Variants in ZNF85 observed in about 807,000 individuals in gnomAD.
ZNF85 encodes zinc finger protein 85 (HPF4, HTF1).
ZNF85 carries 50 observed loss-of-function variants against 53.9 expected under a neutral mutation model. The observed-to-expected ratio is 0.93, with a 90% CI of 0.74 to 1.17. ZNF85 has a LOEUF of 1.17. Ranked by LOEUF, ZNF85 falls within the 50% of genes most tolerant of loss-of-function variation. The pLI is 0.00. For missense variants in ZNF85, 747 were observed against 688.5 expected (o/e 1.08, Z -0.95); for synonymous variants, 225 against 226.1 (o/e 1.00, Z 0.04).
chr19:20,933,360 C>T (rs1401128929), intron 1 of ZNF85, among the ~76,000 whole-genome samples: 1 of 150,126 alleles, frequency 6.7e-6, no homozygotes, highest in Non-Finnish European at 1.5e-5. Context: ...CAGCAGCTGC[C>T]CTTTTTTCTT....
intron 2 of ZNF85, among the ~76,000 whole-genome samples, chr19:20,934,585 C>T (rs771073123): frequency 3.5e-4 from 53 of 151,934 alleles, no homozygotes; most frequent in Admixed American, 6.6e-4. Context: ...CTGGCTAACA[C>T]GGTGAAACCC....
rs767288733 is a variant in ZNF85, at chr19:20,949,677, A to G, written c.1163A>G (p.His388Arg). The G allele has an allele frequency of 6.8e-6, 11 of 1,613,314 alleles. No individual in the cohort carries two copies. The highest frequency in any genetic ancestry group is 3.3e-4 in the Middle Eastern group (2 of 6,052). Residue 388 changes from histidine to arginine, a missense_variant, in exon 4 of 4, where the codon CAT becomes CGT. Transcript: ENST00000328178. ...AFNHFSHLTT[H>R]KIIHTGEKPY... ...AATCATTTCTCACACCTTACTACAC[A>G]TAAGATAATTCATACTGGAGAGAAA... is the stretch of plus-strand genomic sequence containing the variant.
chr19:20,923,634 C>T (rs1217634342), intron 1 of ZNF85, among the ~76,000 whole-genome samples: 1 of 152,170 alleles, frequency 6.6e-6, no homozygotes, highest in Non-Finnish European at 1.5e-5. Flanking sequence ...GGACTGGAGC[C>T]CTCTCTGGGC....
At position 20,934,117 on chromosome 19, in the gene ZNF85, A is replaced by T. The variant is rs546922883; in HGVS notation, c.97A>T (p.Met33Leu). ...TAQRNLYRNV[M>L]LENYRNLVFL... ...ACAGCGGAATTTATATAGAAATGTG[A>T]TGTTAGAGAACTACAGAAACCTGGT... Residue 33 changes from methionine to leucine, a missense_variant, in exon 2 of 4, where the codon ATG becomes TTG. By Grantham distance (15) the Met-to-Leu change is conservative. Transcript: ENST00000328178. The T allele has an allele frequency of 1.7e-5, 27 of 1,612,402 alleles. No individual in the cohort carries two copies. Among genetic ancestry groups the T allele is most frequent in the African/African-American group, 2.7e-5 (2 of 74,990 alleles).
intron 3 of ZNF85, among the ~76,000 whole-genome samples, chr19:20,944,488 AT>A (rs533705680): frequency 5.8e-4 from 86 of 147,662 alleles, no homozygotes; most frequent in African/African-American, 2.0e-3. Flanking sequence ...ATTATTATAT[AT>A]TTTTATATAC....
chr19:20,926,536 T>A (rs531178426), intron 1 of ZNF85, among the ~76,000 whole-genome samples: 44 of 152,152 alleles, frequency 2.9e-4, no homozygotes, highest in Middle Eastern at 3.4e-3. Flanking sequence ...GACATGGAAA[T>A]TAAAGCTTGA....
At chr19:20,930,571 T>C (rs1972992743) in intron 1 of ZNF85, among the ~76,000 whole-genome samples, 1 of 151,348 alleles carries the variant, frequency 6.6e-6, no homozygotes, top group Admixed American at 6.6e-5. Context: ...GTTATGATGA[T>C]GAAATCACGT....
intron 1 of ZNF85, among the ~76,000 whole-genome samples, chr19:20,932,099 G>C (rs1279674330): frequency 6.6e-6 from 1 of 152,152 alleles, no homozygotes; most frequent in African/African-American, 2.4e-5. Flanking sequence ...TGTGGGTCTG[G>C]TGGTAGCAGA....
rs1972799454 is a variant in ZNF85 at position 20,923,322 on chromosome 19, C to G, written c.-79C>G. The G allele has an allele frequency of 3.1e-6, 5 of 1,608,884 alleles. No homozygotes were observed. Among genetic ancestry groups the G allele is most frequent in the Non-Finnish European group, 4.3e-6 (5 of 1,176,062 alleles). On this transcript the variant is annotated 5_prime_UTR_variant, in exon 1 of 4. Transcript: ENST00000328178. Reference sequence around the variant, plus strand: ...GCTTTGTGTTTTCTGCTCGTGGACGCCCAGCCTCTGTGGCCCTGTGGCCTG... The same window carrying G: ...GCTTTGTGTTTTCTGCTCGTGGACGGCCAGCCTCTGTGGCCCTGTGGCCTG...
chr19:20,940,090 A>G (rs1973259091), intron 3 of ZNF85, among the ~76,000 whole-genome samples: 2 of 146,866 alleles, frequency 1.4e-5, no homozygotes, highest in African/African-American at 5.0e-5. Context: ...ATGAATATCT[A>G]TTTCCTTTAT....
chr19:20,945,874 C>T (rs1391143844), intron 3 of ZNF85, among the ~76,000 whole-genome samples: 1 of 152,142 alleles, frequency 6.6e-6, no homozygotes, highest in Non-Finnish European at 1.5e-5. Flanking sequence ...CTTTCAGTAA[C>T]AATGCTGCAA....
In ZNF85 at chr19:20,938,856, G is replaced by A. The variant is rs867834319; in HGVS notation, c.229+3809G>A. ...TCTAACCATATTCTGCTATATGTGT[G>A]TGTGTGTGTGTGTGTGTGTGTATAT... On this transcript the variant is annotated intron_variant, in intron 3 of 3. Coordinates refer to ENST00000328178, the MANE Select transcript of ZNF85 (RefSeq NM_003429.5). Among the ~76,000 whole-genome samples, 1,087 of 118,224 alleles carry A rather than the reference G, an allele frequency of 9.2e-3. 17 individuals are homozygous for A. The highest frequency in any genetic ancestry group is 0.032 in the African/African-American group (1,055 of 32,650). The allele number at this position is 118,224 out of a possible 152,430, so 77.6% of individuals were successfully genotyped here. A position where few individuals can be genotyped will look rare whatever the true frequency, so the allele number is the denominator to read the frequency against.
intron 3 of ZNF85, among the ~76,000 whole-genome samples, chr19:20,940,869 A>T (rs1375725704): frequency 6.6e-6 from 1 of 152,198 alleles, no homozygotes; most frequent in Non-Finnish European, 1.5e-5. Context: ...CATTATATGT[A>T]TATGTTACAT....
intron 3 of ZNF85, among the ~76,000 whole-genome samples, chr19:20,939,261 TTTG>T (rs1339073437): frequency 1.3e-5 from 2 of 152,152 alleles, no homozygotes; most frequent in Non-Finnish European, 2.9e-5. Context: ...AGGCTTGTTT[TTTG>T]TTTTGTTTTT....
Position 20,948,841 on chromosome 19 carries a change from T to C in ZNF85, c.327T>C (p.His109=). ...VTLKRYGKCR[H]ENLPLRKGCE... is the part of the protein sequence containing the mutation. ...TGAAAAGATATGGAAAATGTAGACATGAAAATTTACCATTAAGAAAAGGCT... is the reference window on the plus strand; with the variant it reads ...TGAAAAGATATGGAAAATGTAGACACGAAAATTTACCATTAAGAAAAGGCT... Residue 109 remains histidine (H), a synonymous_variant, in exon 4 of 4, where the codon CAT becomes CAC. Transcript: ENST00000328178. The C allele has an allele frequency of 6.2e-7, 1 of 1,613,080 alleles. No homozygotes were observed. Among genetic ancestry groups the C allele is most frequent in the African/African-American group, 1.3e-5 (1 of 75,018 alleles).
Position 20,950,240 on chromosome 19 carries a change from A to T in ZNF85, c.1726A>T (p.Lys576Ter). The change falls in exon 4 of 4, where the codon AAA becomes TAA. Residue 576 changes from lysine to a stop codon, truncating the protein, a stop_gained. Coordinates refer to ENST00000328178, the MANE Select transcript of ZNF85 (RefSeq NM_003429.5). LOFTEE classifies it high-confidence loss of function. ...YKCEECDKAF[K>*]WSSVLTKHKI... Reference sequence around the variant, plus strand: ...ATGTGAAGAATGTGACAAAGCTTTTAAATGGTCCTCAGTCCTTACTAAACA... The same window carrying T: ...ATGTGAAGAATGTGACAAAGCTTTTTAATGGTCCTCAGTCCTTACTAAACA... 1 of 1,604,964 alleles carries T rather than the reference A, an allele frequency of 6.2e-7. No individual in the cohort carries two copies. Among genetic ancestry groups the T allele is most frequent in the Non-Finnish European group, 8.5e-7 (1 of 1,176,710 alleles).
At chr19:20,932,403 C>T (rs1382057880) in intron 1 of ZNF85, among the ~76,000 whole-genome samples, 1 of 151,890 alleles carries the variant, frequency 6.6e-6, no homozygotes, top group Admixed American at 6.6e-5. Context: ...TTCTATATAC[C>T]AGAGCCCTTT....
chr19:20,941,645 A>C (rs1973298997), intron 3 of ZNF85, among the ~76,000 whole-genome samples: 1 of 152,242 alleles, frequency 6.6e-6, no homozygotes, highest in African/African-American at 2.4e-5. Flanking sequence ...TTTCTAAATA[A>C]AATTATTCAA....
chr19:20,942,717 C>A, intron 3 of ZNF85: 1 of 609,092 alleles, frequency 1.6e-6, no homozygotes, highest in South Asian at 1.8e-5. Flanking sequence ...TAGTTGCATT[C>A]AGTTTTGGTC....
Sources: gnomAD v4.1 joint callset for allele counts (sites outside exome capture counted in the v4.1 genomes callset) on GRCh38, gnomAD v4.1.1 for gene constraint, MANE v1.5 for transcripts, NCBI Gene and HGNC (gene_info 2026-07-23, HGNC 2026-07-21) for gene names.